The following GABRB1 variants were observed in gnomAD, a reference collection of about 807,000 sequenced individuals.
GABRB1 encodes the protein gamma-aminobutyric acid type A receptor subunit beta1, also known as gamma-aminobutyric acid receptor subunit beta-1.
Under a neutral mutation model 51.6 loss-of-function variants are expected in GABRB1, and 17 were observed. The ratio of observed to expected loss-of-function variants is 0.33; its 90% CI spans 0.23 to 0.49. The LOEUF (loss-of-function observed/expected upper bound fraction) is 0.49, where lower values mean the gene tolerates loss of function less well. Among genes scored for constraint, GABRB1 ranks in the 20% least tolerant of loss-of-function variants. GABRB1 has a pLI of 0.99. For missense variants in GABRB1, 410 were observed against 600.6 expected, an observed-to-expected ratio of 0.68 and a Z score of 3.32; for synonymous variants, 247 against 218.9, an observed-to-expected ratio of 1.13 and a Z score of -1.14.
intron 4 of GABRB1, among the ~76,000 whole-genome samples, chr4:47,255,558 T>C (rs1722167029): frequency 6.6e-6 from 1 of 152,178 alleles, no homozygotes; most frequent in African/African-American, 2.4e-5. Context: ...ACTGGAGTCT[T>C]TGATGCCTGA....
At chr4:47,207,393 T>G (rs1720179103) in intron 4 of GABRB1, among the ~76,000 whole-genome samples, 1 of 152,042 alleles carries the variant, frequency 6.6e-6, no homozygotes, top group African/African-American at 2.4e-5. Flanking sequence ...TGTTGTTTAC[T>G]TTTGTCATAA....
chr4:47,018,499 T>C (rs1377035566), intron 1 of GABRB1, among the ~76,000 whole-genome samples: 5 of 152,176 alleles, frequency 3.3e-5, no homozygotes, highest in Non-Finnish European at 5.9e-5. Context: ...GTTGACCTTT[T>C]TACAATATAG....
chr4:47,399,111 A>C (rs985165004), intron 5 of GABRB1, among the ~76,000 whole-genome samples: 1 of 152,166 alleles, frequency 6.6e-6, no homozygotes, highest in African/African-American at 2.4e-5. Context: ...TTATTGAATA[A>C]TGTTTTTTGC....
At chr4:47,297,951 A>G (rs1275298271) in intron 4 of GABRB1, among the ~76,000 whole-genome samples, 2 of 152,246 alleles carry the variant, frequency 1.3e-5, no homozygotes, top group Non-Finnish European at 1.5e-5. Flanking sequence ...CAAATCAATT[A>G]ATGTAATGCA....
chr4:47,230,528 C>T (rs1301522893), intron 4 of GABRB1, among the ~76,000 whole-genome samples: 1 of 152,122 alleles, frequency 6.6e-6, no homozygotes, highest in Non-Finnish European at 1.5e-5. Context: ...ACTTTGATAA[C>T]ACAGTTTCAG....
intron 4 of GABRB1, among the ~76,000 whole-genome samples, chr4:47,195,394 TGA>T (rs1216544120): frequency 3.4e-4 from 31 of 92,154 alleles, no homozygotes; most frequent in African/African-American, 1.2e-3. Context: ...GATAGATAGA[TGA>T]TAGATAGATA....
chr4:47,425,480 T>TGATTGATA (rs1553884617), intron 8 of GABRB1, among the ~76,000 whole-genome samples, 194 bp from the exon 9 acceptor site: 11 of 142,434 alleles, frequency 7.7e-5, no homozygotes, highest in African/African-American at 2.9e-4. Context: ...TGGATGATGA[T>TGATTGATA]GATAGATAGA....
intron 3 of GABRB1, among the ~76,000 whole-genome samples, chr4:47,101,431 G>C (rs1178102925): frequency 6.6e-6 from 1 of 151,936 alleles, no homozygotes. Context: ...TTTAGAAGTT[G>C]ACATTAATTT....
At chr4:47,157,147 G>C (rs1717743508) in intron 3 of GABRB1, among the ~76,000 whole-genome samples, 1 of 151,876 alleles carries the variant, frequency 6.6e-6, no homozygotes, top group Middle Eastern at 3.2e-3. Flanking sequence ...CGGTGTCAAA[G>C]AATTCCCTAT....
intron 3 of GABRB1, among the ~76,000 whole-genome samples, chr4:47,135,324 G>A (rs1202887959): frequency 6.6e-6 from 1 of 152,002 alleles, no homozygotes; most frequent in African/African-American, 2.4e-5. Context: ...TTTGATAAGA[G>A]GATATAAAGA....
intron 1 of GABRB1, among the ~76,000 whole-genome samples, chr4:47,010,761 T>C (rs1224878696): frequency 6.6e-6 from 1 of 152,220 alleles, no homozygotes; most frequent in Non-Finnish European, 1.5e-5. Flanking sequence ...TTTGGAACAT[T>C]GCTTCTCCAC....
In GABRB1 at chr4:47,376,373, G is replaced by A. The variant is rs550533092; in HGVS notation, c.545-26945G>A. On this transcript the variant is annotated intron_variant, in intron 5 of 8. Coordinates refer to ENST00000295454, the MANE Select transcript of GABRB1 (RefSeq NM_000812.4). ...TTAAGAAGCCATAGATGGGCCGGGC[G>A]CAGTGGCTCACGCCTGTAATCCCAG... 9.3e-4 allele frequency among the ~76,000 whole-genome samples: 142 copies of A among 152,186 alleles called. 1 individual carries two copies. Among genetic ancestry groups the A allele is most frequent in the Non-Finnish European group, 1.6e-3 (109 of 68,034 alleles).
intron 3 of GABRB1, among the ~76,000 whole-genome samples, chr4:47,123,969 GCACACATGCA>G (rs1384214638): frequency 2.7e-5 from 3 of 111,246 alleles, no homozygotes; most frequent in Non-Finnish European, 5.2e-5. Flanking sequence ...ATGTATAAAT[GCACACATGCA>G]CACACACACA....
intron 1 of GABRB1, among the ~76,000 whole-genome samples, chr4:47,011,128 G>T (rs1193408227): frequency 6.6e-6 from 1 of 152,162 alleles, no homozygotes; most frequent in African/African-American, 2.4e-5. Context: ...GAAATTCAAA[G>T]GTCAAAGTAC....
At chr4:47,343,683 C>G (rs559517124) in intron 5 of GABRB1, among the ~76,000 whole-genome samples, 3 of 152,140 alleles carry the variant, frequency 2.0e-5, no homozygotes, top group Non-Finnish European at 4.4e-5. Flanking sequence ...AATTTGCAGC[C>G]TGGCATGTAT....
intron 1 of GABRB1, among the ~76,000 whole-genome samples, chr4:46,998,476 T>A (rs182104318): frequency 1.3e-5 from 2 of 152,244 alleles, no homozygotes; most frequent in African/African-American, 4.8e-5. Context: ...CTCACGTGTG[T>A]AATCCCAGCA....
intron 4 of GABRB1, among the ~76,000 whole-genome samples, chr4:47,231,790 G>A (rs1721153313): frequency 6.6e-6 from 1 of 152,140 alleles, no homozygotes; most frequent in Admixed American, 6.5e-5. Flanking sequence ...TCCCGACACA[G>A]GCGTGGTGAG....
chr4:47,102,215 A>T (rs1000143340), intron 3 of GABRB1, among the ~76,000 whole-genome samples: 74 of 151,986 alleles, frequency 4.9e-4, no homozygotes, highest in African/African-American at 1.7e-3. Flanking sequence ...TAGGATGGGA[A>T]GCTTGGATTT....
At chr4:47,008,629 ATT>A (rs71193894) in intron 1 of GABRB1, among the ~76,000 whole-genome samples, 31 of 117,474 alleles carry the variant, frequency 2.6e-4, no homozygotes, top group African/African-American at 5.2e-4. Flanking sequence ...CACCCAGCTA[ATT>A]TTTTTTTTTT....
Sources: allele counts gnomAD v4.1 joint callset (sites outside exome capture counted in the v4.1 genomes callset), GRCh38; gene constraint gnomAD v4.1.1; transcripts MANE v1.5; gene names NCBI Gene and HGNC (gene_info 2026-07-23, HGNC 2026-07-21).